The following METTL24 variants were observed in gnomAD, a reference collection of about 807,000 sequenced individuals.
METTL24 encodes the protein methyltransferase like 24, also known as probable methyltransferase-like protein 24.
A neutral mutation model predicts 32.7 loss-of-function variants in METTL24; 29 were observed. The ratio of observed to expected loss-of-function variants is 0.89; its 90% CI spans 0.66 to 1.21. The LOEUF (loss-of-function observed/expected upper bound fraction) is 1.21. Among genes scored for constraint, METTL24 ranks in the 50% most tolerant of loss-of-function variants. The pLI is 0.00. For synonymous variants in METTL24, 163 were observed against 179.5 expected (o/e 0.91, Z 0.73); for missense variants, 439 against 468.1 (o/e 0.94, Z 0.57).
At chr6:110,325,495 A>G (rs1772002138) in intron 1 of METTL24, among the ~76,000 whole-genome samples, 1 of 152,158 alleles carries the variant, frequency 6.6e-6, no homozygotes, top group African/African-American at 2.4e-5. Flanking sequence ...AGCTGATCCT[A>G]ATTCAGAGGT....
At chr6:110,291,867 T>C (rs1771327239) in intron 4 of METTL24, among the ~76,000 whole-genome samples, 1 of 152,224 alleles carries the variant, frequency 6.6e-6, no homozygotes, top group Non-Finnish European at 1.5e-5. Context: ...AATTCTCTTG[T>C]TGTTCCATTG....
At chr6:110,293,520 T>C (rs1435731248) in intron 4 of METTL24, among the ~76,000 whole-genome samples, 1 of 152,016 alleles carries the variant, frequency 6.6e-6, no homozygotes. Context: ...CTTCAATTAA[T>C]ATGTCCTTCA....
intron 4 of METTL24, among the ~76,000 whole-genome samples, chr6:110,263,993 G>T (rs369432064): frequency 2.9e-4 from 44 of 152,020 alleles, no homozygotes; most frequent in East Asian, 2.3e-3. Flanking sequence ...AAGACTTAAA[G>T]GTTAGACCTA....
At chr6:110,335,318 C>T (rs1006622905) in intron 1 of METTL24, among the ~76,000 whole-genome samples, 1 of 152,160 alleles carries the variant, frequency 6.6e-6, no homozygotes. Flanking sequence ...AGGACCCTCT[C>T]CCCATTTCAG....
intron 3 of METTL24, among the ~76,000 whole-genome samples, chr6:110,308,028 T>C (rs1771655106): frequency 6.6e-6 from 1 of 152,194 alleles, no homozygotes; most frequent in South Asian, 2.1e-4. Flanking sequence ...TCAAAGGTAA[T>C]AGAATAATAG....
chr6:110,304,131 A>G (rs1296385777), intron 3 of METTL24, among the ~76,000 whole-genome samples: 2 of 152,212 alleles, frequency 1.3e-5, no homozygotes, highest in Non-Finnish European at 2.9e-5. Flanking sequence ...ACATCAACAA[A>G]AAGGAAGACC....
intron 3 of METTL24, among the ~76,000 whole-genome samples, chr6:110,301,665 C>T (rs2114734114): frequency 6.6e-6 from 1 of 152,288 alleles, no homozygotes; most frequent in South Asian, 2.1e-4. Flanking sequence ...GCCCAGCTGA[C>T]CTGCAGACAT....
intron 4 of METTL24, among the ~76,000 whole-genome samples, chr6:110,295,013 C>T (rs74431937): frequency 0.011 from 864 of 77,974 alleles, 14 homozygotes; most frequent in African/African-American, 0.04. Flanking sequence ...TTCTTTCTTT[C>T]TTTTTTTTTT....
chr6:110,256,335 G>A (rs969517921), intron 4 of METTL24, among the ~76,000 whole-genome samples: 1 of 152,110 alleles, frequency 6.6e-6, no homozygotes, highest in African/African-American at 2.4e-5. Flanking sequence ...TAAGATATGA[G>A]TCCCAGTGCT....
At chr6:110,279,813 C>T (rs749278236) in intron 4 of METTL24, among the ~76,000 whole-genome samples, 1 of 152,142 alleles carries the variant, frequency 6.6e-6, no homozygotes, top group Non-Finnish European at 1.5e-5. Context: ...TTGGTCCATT[C>T]TCATGTTGCT....
At position 110,315,422 on chromosome 6, in the gene METTL24, C is replaced by T; in HGVS notation, c.477G>A (p.Lys159=). 2 of 1,613,642 alleles carry T rather than the reference C, an allele frequency of 1.2e-6. No individual in the cohort carries two copies. Among genetic ancestry groups the T allele is most frequent in the Non-Finnish European group, 1.7e-6 (2 of 1,179,594 alleles). The stretch of plus-strand genomic sequence containing the variant: ...TGTCGTCAAGACACACTGACCAGGG[C>T]TTGTGTGTAGGACTAGAGTCAGTAG... ...SLATDSSPTH[K]PWSVCLDDRF... The change falls in exon 3 of 5, where the codon AAG becomes AAA. Residue 159 remains lysine (K), a synonymous_variant. Transcript: ENST00000338882.
chr6:110,350,695 G>C (rs1772578819), intron 1 of METTL24, among the ~76,000 whole-genome samples: 1 of 151,460 alleles, frequency 6.6e-6, no homozygotes, highest in Admixed American at 6.6e-5. Context: ...GGAGGCCAAG[G>C]TGGGAGGATC....
intron 1 of METTL24, among the ~76,000 whole-genome samples, chr6:110,333,998 A>G (rs537047927): frequency 4.6e-4 from 69 of 151,516 alleles, no homozygotes; most frequent in African/African-American, 1.6e-3. Context: ...TATATATTCT[A>G]TTTTCATTTT....
At chr6:110,328,411 T>A (rs1772052684) in intron 1 of METTL24, among the ~76,000 whole-genome samples, 1 of 152,360 alleles carries the variant, frequency 6.6e-6, no homozygotes, top group East Asian at 1.9e-4. Flanking sequence ...GAAGATTCCA[T>A]ACGCAACTAG....
intron 1 of METTL24, among the ~76,000 whole-genome samples, chr6:110,327,040 T>TA (rs1451438069): frequency 6.6e-6 from 1 of 152,180 alleles, no homozygotes; most frequent in Non-Finnish European, 1.5e-5. Context: ...CACAATTTAA[T>TA]ATAGGCCACA....
At chr6:110,335,598 A>T (rs7767145) in intron 1 of METTL24, among the ~76,000 whole-genome samples, 41,259 of 132,680 alleles carry the variant, frequency 0.31, 6,556 homozygotes, top group African/African-American at 0.43. Context: ...TTTTTTTATG[A>T]AAAAAATGTT....
chr6:110,275,340 C>T (rs1251707551), intron 4 of METTL24, among the ~76,000 whole-genome samples: 1 of 152,038 alleles, frequency 6.6e-6, no homozygotes, highest in Non-Finnish European at 1.5e-5. Context: ...TACAAATTAC[C>T]CTCTGTGCCA....
intron 2 of METTL24, 129 bp from the exon 3 acceptor site, chr6:110,315,610 T>A (rs909712261): frequency 1.1e-6 from 1 of 920,572 alleles, no homozygotes; most frequent in African/African-American, 1.7e-5. Context: ...TGCTAACAAC[T>A]CCCCTCCCCA....
At chr6:110,274,851 T>G (rs1400947283) in intron 4 of METTL24, among the ~76,000 whole-genome samples, 1 of 139,976 alleles carries the variant, frequency 7.1e-6, no homozygotes, top group Non-Finnish European at 1.5e-5. Flanking sequence ...CAGGCCAGAG[T>G]GCAGTGGCGC....
Sources: gnomAD v4.1 joint callset for allele counts (sites outside exome capture counted in the v4.1 genomes callset) on GRCh38, gnomAD v4.1.1 for gene constraint, MANE v1.5 for transcripts, NCBI Gene and HGNC (gene_info 2026-07-23, HGNC 2026-07-21) for gene names.